The following PAF1 variants were observed in gnomAD, a reference collection of about 807,000 sequenced individuals.
PAF1 encodes the protein RNA polymerase II-associated factor 1 homolog.
A neutral mutation model predicts 68.4 loss-of-function variants in PAF1; 31 were observed. The ratio of observed to expected loss-of-function variants is 0.45; its 90% CI spans 0.34 to 0.61. PAF1 has a LOEUF of 0.61. PAF1 is among the 20% of genes least tolerant of loss of function. The probability of loss-of-function intolerance (pLI) is 0.01; values close to 1 mark genes in which losing one functional copy is unlikely to be tolerated. For missense variants in PAF1, 435 were observed against 692.9 expected (o/e 0.63, Z 4.18); for synonymous variants, 256 against 240.5 (o/e 1.06, Z -0.60).
Position 39,386,273 on chromosome 19 carries a change from C to A in PAF1, c.1314G>T (p.Glu438Asp), listed in dbSNP as rs766462807. Reference protein sequence around the residue: ...ASDKSGSGEDESSEDEARAAR... With the variant: ...ASDKSGSGEDDSSEDEARAAR... ...CAGCCCGGGCCTCATCCTCGCTGCT[C>A]TCGTCCTCACCACTGCCACTCTTGT... The change falls in exon 14 of 14, where the codon GAG becomes GAT. Residue 438 changes from glutamate to aspartate, a missense_variant. This residue lies in a region of PAF1 where 78 missense variants were observed against 80.6 expected (regional missense o/e 0.97). Coordinates refer to ENST00000221265, the MANE Select transcript of PAF1 (RefSeq NM_019088.4). This position sits in a 1 kb window ranked among gnomAD's most constrained non-coding sequence, Gnocchi z 6.1. The A allele has an allele frequency of 1.9e-6, 3 of 1,614,080 alleles. No homozygotes were observed. Among genetic ancestry groups the A allele is most frequent in the Non-Finnish European group, 2.5e-6 (3 of 1,180,050 alleles).
rs747366818 is a variant in PAF1 at position 39,390,169 on chromosome 19, C to G, written c.78-8G>C. ...CGGCAGACCACTCCAGACCTAGGAA[C>G]ATTAGTGGCTCAAAAGTGGGCCCCC... On this transcript the variant is annotated splice_region_variant and splice_polypyrimidine_tract_variant and intron_variant, in intron 2 of 13. Coordinates refer to ENST00000221265, the MANE Select transcript of PAF1 (RefSeq NM_019088.4). 2 of 1,613,446 alleles carry G rather than the reference C, an allele frequency of 1.2e-6. No individual in the cohort carries two copies. The highest frequency in any genetic ancestry group is 1.3e-5 in the African/African-American group (1 of 74,896).
Position 39,388,795 on chromosome 19 carries a change from G to T in PAF1, c.707C>A (p.Ala236Asp), listed in dbSNP as rs1191178420. 1 of 1,614,020 alleles carries T rather than the reference G, an allele frequency of 6.2e-7. No individual in the cohort carries two copies. Among genetic ancestry groups the T allele is most frequent in the Non-Finnish European group, 8.5e-7 (1 of 1,179,986 alleles). Residue 236 changes from alanine to aspartate, a missense_variant, in exon 9 of 14, where the codon GCT becomes GAT. By Grantham distance (126) the Ala-to-Asp change is moderately radical. This residue lies in a region of PAF1 where 151 missense variants were observed against 306.3 expected (regional missense o/e 0.49). Coordinates refer to ENST00000221265, the MANE Select transcript of PAF1 (RefSeq NM_019088.4). Reference sequence around the variant, plus strand: ...GGCCTGAGACATCATCTCCAACGCAGCTGCACCACTCGTGTCCTTGGGGGC... The same window carrying T: ...GGCCTGAGACATCATCTCCAACGCATCTGCACCACTCGTGTCCTTGGGGGC... ...DPAPKDTSGA[A>D]ALEMMSQAMI...
intron 1 of PAF1, 111 bp from the exon 2 acceptor site, chr19:39,390,400 C>G (rs2078354105): frequency 4.9e-6 from 5 of 1,023,716 alleles, no homozygotes; most frequent in Middle Eastern, 3.0e-4. Flanking sequence ...ATGCTGGTTT[C>G]TTTGGGTGGT....
rs765947355 is a variant in PAF1 at position 39,386,721 on chromosome 19, G to C, written c.1065C>G (p.Asp355Glu). 25 of 1,613,838 alleles carry C rather than the reference G, an allele frequency of 1.5e-5. No individual in the cohort carries two copies. Among genetic ancestry groups the C allele is most frequent in the Non-Finnish European group, 2.0e-5 (24 of 1,179,756 alleles). The change falls in exon 12 of 14, where the codon GAC becomes GAG. Residue 355 changes from aspartate to glutamate, a missense_variant. Transcript: ENST00000221265. This position sits in a 1 kb window ranked among gnomAD's most constrained non-coding sequence, Gnocchi z 6.1. ...GAGCTTCCAGTTCCTTCTCATTCATGTCCCGATGTTTGACCACAAGCAGGG... is the reference window on the plus strand; with the variant it reads ...GAGCTTCCAGTTCCTTCTCATTCATCTCCCGATGTTTGACCACAAGCAGGG... ...TNALLVVKHR[D>E]MNEKELEAQE...
In PAF1 at chr19:39,389,939, T is replaced by C. The variant is rs1054762713; in HGVS notation, c.170+130A>G. On this transcript the variant is annotated intron_variant, in intron 3 of 13. Coordinates refer to ENST00000221265, the MANE Select transcript of PAF1 (RefSeq NM_019088.4). The surrounding 1 kb of genome is among the most constrained non-coding windows in gnomAD (Gnocchi z 5.3). ...TGGACACTGCTTGCTCCATTAACAATTGAGCAGCTACTACTATGTGCTAGG... is the reference window on the plus strand; with the variant it reads ...TGGACACTGCTTGCTCCATTAACAACTGAGCAGCTACTACTATGTGCTAGG... 12 of 1,068,498 alleles carry C rather than the reference T, an allele frequency of 1.1e-5. No individual in the cohort carries two copies. In the African/African-American group the frequency reaches 1.4e-4, roughly 12 times the overall value. 66.2% of individuals were successfully genotyped at this position (1,068,498 alleles called of 1,614,324 possible). A position where few individuals can be genotyped will look rare whatever the true frequency, so the allele number is the denominator to read the frequency against.
intron 11 of PAF1, chr19:39,387,327 A>T: frequency 4.3e-6 from 1 of 231,168 alleles, no homozygotes; most frequent in East Asian, 1.1e-4. Context: ...CACCATAAGC[A>T]GTCCATTGTT....
chr19:39,390,841 C>T lies in PAF1; in HGVS notation c.24G>A (p.Gln8=), dbSNP rs374227407. 1 of 1,588,110 alleles carries T rather than the reference C, an allele frequency of 6.3e-7. No homozygotes were observed. Among genetic ancestry groups the T allele is most frequent in the Non-Finnish European group, 8.6e-7 (1 of 1,167,116 alleles). The change falls in exon 1 of 14, where the codon CAG becomes CAA. Residue 8 remains glutamine (Q), a synonymous_variant. Transcript: ENST00000221265. MAPTIQT[Q]AQREDGHRPN... ...ACCTGTGGCCATCCTCCCGCTGGGC[C>T]TGGGTCTGGATGGTGGGCGCCATAG...
At position 39,386,328 on chromosome 19, in the gene PAF1, C is replaced by A; in HGVS notation, c.1259G>T (p.Arg420Leu). ...GGCCTCGTCCCTGTCACCTTCCTCC[C>A]GTTCACTCTCGCTGCCCGAGTGCTC... Reference protein sequence around the residue: ...EDEHSGSESEREEGDRDEASD... With the variant: ...EDEHSGSESELEEGDRDEASD... Residue 420 changes from arginine (R) to leucine (L), a missense_variant, in exon 14 of 14, where the codon CGG becomes CTG. Arg to Leu is a moderately radical substitution (Grantham distance 102). Around this residue, in one of 7 missense-constraint regions of PAF1, gnomAD observed 78 missense variants for 80.6 expected, o/e 0.97. Coordinates refer to ENST00000221265, the MANE Select transcript of PAF1 (RefSeq NM_019088.4). This position sits in a 1 kb window ranked among gnomAD's most constrained non-coding sequence, Gnocchi z 6.1. 6.2e-7 allele frequency: 1 copy of A among 1,614,204 alleles called. No individual in the cohort carries two copies. The highest frequency in any genetic ancestry group is 8.5e-7 in the Non-Finnish European group (1 of 1,180,042).
chr19:39,388,360 T>C lies in PAF1; in HGVS notation c.965A>G (p.Tyr322Cys), dbSNP rs780961931. ...GTACCTGGTTTCCAACTCATTGTAG[T>C]AAACCCCGTCACCCTCTCGGAAGAT... ...FFIFREGDGV[Y>C]YNELETRVRL... The change falls in exon 11 of 14, where the codon TAC becomes TGC. Residue 322 changes from tyrosine (Y) to cysteine (C), a missense_variant. Around this residue, in one of 7 missense-constraint regions of PAF1, gnomAD observed 151 missense variants for 306.3 expected, o/e 0.49. Coordinates refer to ENST00000221265, the MANE Select transcript of PAF1 (RefSeq NM_019088.4). 1 of 1,614,020 alleles carries C rather than the reference T, an allele frequency of 6.2e-7. No homozygotes were observed. The highest frequency in any genetic ancestry group is 1.1e-5 in the South Asian group (1 of 91,076).
Position 39,389,992 on chromosome 19 carries a change from A to C in PAF1, c.170+77T>G. On this transcript the variant is annotated intron_variant, in intron 3 of 13. Transcript: ENST00000221265. This position sits in a 1 kb window ranked among gnomAD's most constrained non-coding sequence, Gnocchi z 5.3. ...AGGTACTGTGCTAGGCCCTGAGCAGACAGCAGCCAACGAGACAAGCAGTCC... is the reference window on the plus strand; with the variant it reads ...AGGTACTGTGCTAGGCCCTGAGCAGCCAGCAGCCAACGAGACAAGCAGTCC... The C allele has an allele frequency of 8.1e-7, 1 of 1,233,258 alleles. No individual in the cohort carries two copies. The highest frequency in any genetic ancestry group is 1.2e-5 in the South Asian group (1 of 81,224). 76.4% of individuals were successfully genotyped at this position (1,233,258 alleles called of 1,614,324 possible).
In PAF1 at chr19:39,389,871, C is replaced by T; in HGVS notation, c.171-110G>A. 1 of 1,464,182 alleles carries T rather than the reference C, an allele frequency of 6.8e-7. No individual in the cohort carries two copies. The highest frequency in any genetic ancestry group is 9.5e-7 in the Non-Finnish European group (1 of 1,050,248). 90.7% of individuals were successfully genotyped at this position (1,464,182 alleles called of 1,614,324 possible). On this transcript the variant is annotated intron_variant, in intron 3 of 13. Coordinates refer to ENST00000221265, the MANE Select transcript of PAF1 (RefSeq NM_019088.4). The surrounding 1 kb of genome is among the most constrained non-coding windows in gnomAD (Gnocchi z 5.3). Reference sequence around the variant, plus strand: ...GGAGGAACTCAGAATGAAGTGTCCCCCATGGCAGAGTCTGAAAGCTGGCTC... The same window carrying T: ...GGAGGAACTCAGAATGAAGTGTCCCTCATGGCAGAGTCTGAAAGCTGGCTC...
Position 39,386,506 on chromosome 19 carries a change from C to T in PAF1, c.1159G>A (p.Glu387Lys). 1 of 1,614,168 alleles carries T rather than the reference C, an allele frequency of 6.2e-7. No individual in the cohort carries two copies. Among genetic ancestry groups the T allele is most frequent in the Non-Finnish European group, 8.5e-7 (1 of 1,180,022 alleles). ...EEEEEEEMET[E>K]EKEAGGSDEE... ...CCTGAGCCCCCAGCTTCTTTCTCTT[C>T]TGTCTCCATCTCCTCTTCCTCTTCC... Residue 387 changes from glutamate (E) to lysine (K), a missense_variant, in exon 13 of 14, where the codon GAA becomes AAA. By Grantham distance (56) the Glu-to-Lys change is moderately conservative. This residue lies in a region of PAF1 where 78 missense variants were observed against 80.6 expected (regional missense o/e 0.97). Coordinates refer to ENST00000221265, the MANE Select transcript of PAF1 (RefSeq NM_019088.4). This position sits in a 1 kb window ranked among gnomAD's most constrained non-coding sequence, Gnocchi z 6.1.
In PAF1 at chr19:39,389,999, C is replaced by T. The variant is rs544914739; in HGVS notation, c.170+70G>A. On this transcript the variant is annotated intron_variant, in intron 3 of 13. Coordinates refer to ENST00000221265, the MANE Select transcript of PAF1 (RefSeq NM_019088.4). This position sits in a 1 kb window ranked among gnomAD's most constrained non-coding sequence, Gnocchi z 5.3. ...GTGCTAGGCCCTGAGCAGACAGCAG[C>T]CAACGAGACAAGCAGTCCCTGCCTT... The T allele has an allele frequency of 5.7e-5, 74 of 1,294,162 alleles. No homozygotes were observed. In the African/African-American group the frequency reaches 1.0e-3, roughly 18 times the overall value. 80.2% of individuals were successfully genotyped at this position (1,294,162 alleles called of 1,614,324 possible). A position where few individuals can be genotyped will look rare whatever the true frequency, so the allele number is the denominator to read the frequency against.
chr19:39,386,386 C>T lies in PAF1; in HGVS notation c.1201G>A (p.Gly401Ser), dbSNP rs751189341. 3.1e-6 allele frequency: 5 copies of T among 1,614,160 alleles called. No individual in the cohort carries two copies. Among genetic ancestry groups the T allele is most frequent in the Non-Finnish European group, 4.2e-6 (5 of 1,180,012 alleles). ...AGGSDEEQEK[G>S]SSSEKEGSED... ...CTGCCCTCCTTCTCACTGCTGCTGCCCTTCTCCTGCTCCTCATCTGGAAGG... is the reference window on the plus strand; with the variant it reads ...CTGCCCTCCTTCTCACTGCTGCTGCTCTTCTCCTGCTCCTCATCTGGAAGG... Residue 401 changes from glycine (G) to serine (S), a missense_variant, in exon 14 of 14, where the codon GGC becomes AGC. Coordinates refer to ENST00000221265, the MANE Select transcript of PAF1 (RefSeq NM_019088.4). This position sits in a 1 kb window ranked among gnomAD's most constrained non-coding sequence, Gnocchi z 6.1.
At position 39,388,456 on chromosome 19, in the gene PAF1, T is replaced by C. The variant is rs368290508; in HGVS notation, c.869A>G (p.Lys290Arg). 52 of 1,614,068 alleles carry C rather than the reference T, an allele frequency of 3.2e-5. 1 individual carries two copies. Among genetic ancestry groups the C allele is most frequent in the East Asian group, 1.1e-4 (5 of 44,890 alleles). The change falls in exon 11 of 14, where the codon AAA becomes AGA. Residue 290 changes from lysine (K) to arginine (R), a missense_variant. Lys to Arg is a conservative substitution (Grantham distance 26, BLOSUM62 2). Transcript: ENST00000221265. ...DYAPDDVYDY[K>R]IAREYNWNVK... ...GTTCCAGTTGTACTCCCGAGCAATT[T>C]TGTAGTCATACCTGAAGATGAGGGC... is the stretch of plus-strand genomic sequence containing the variant.
In PAF1 at chr19:39,389,157, A is replaced by G; in HGVS notation, c.503T>C (p.Ile168Thr). 1 of 1,614,050 alleles carries G rather than the reference A, an allele frequency of 6.2e-7. No individual in the cohort carries two copies. Among genetic ancestry groups the G allele is most frequent in the Non-Finnish European group, 8.5e-7 (1 of 1,180,016 alleles). The change falls in exon 7 of 14, where the codon ATA becomes ACA. Residue 168 changes from isoleucine to threonine, a missense_variant. Physicochemically the swap from Ile to Thr is moderately conservative, Grantham distance 89. Around this residue, in one of 7 missense-constraint regions of PAF1, gnomAD observed 151 missense variants for 306.3 expected, o/e 0.49. Transcript: ENST00000221265. The surrounding 1 kb of genome is among the most constrained non-coding windows in gnomAD (Gnocchi z 5.3). ...GATCTGGCTATCCCTGTCTTTGTAT[A>G]TTTCTTCCTCGGTAAACTGCTGCTT... ...SVKQQFTEEE[I>T]YKDRDSQITA...
At position 39,389,802 on chromosome 19, in the gene PAF1, T is replaced by C; in HGVS notation, c.171-41A>G. ...CCTATTGTGGTGTTTGGATTCCAGC[T>C]TCACCCCTCACAGCCCTGCTTCCCA... On this transcript the variant is annotated intron_variant, in intron 3 of 13. Coordinates refer to ENST00000221265, the MANE Select transcript of PAF1 (RefSeq NM_019088.4). This position sits in a 1 kb window ranked among gnomAD's most constrained non-coding sequence, Gnocchi z 5.3. 1 of 1,613,082 alleles carries C rather than the reference T, an allele frequency of 6.2e-7. No homozygotes were observed. The highest frequency in any genetic ancestry group is 1.1e-5 in the South Asian group (1 of 90,818).
At position 39,388,965 on chromosome 19, in the gene PAF1, A is replaced by G. The variant is rs752371697; in HGVS notation, c.618T>C (p.Pro206=). 1 of 1,614,008 alleles carries G rather than the reference A, an allele frequency of 6.2e-7. No homozygotes were observed. The highest frequency in any genetic ancestry group is 1.3e-5 in the African/African-American group (1 of 74,912). Residue 206 remains proline, a synonymous_variant, in exon 8 of 14, where the codon CCT becomes CCC. Coordinates refer to ENST00000221265, the MANE Select transcript of PAF1 (RefSeq NM_019088.4). ...GCCTGACCTTAAAGTCTGGGAAGAC[A>G]GGCATGACCTCCACCGGTGTGACTC... ...KPRVTPVEVM[P]VFPDFKMWIN...
At position 39,389,431 on chromosome 19, in the gene PAF1, G is replaced by A; in HGVS notation, c.360-48C>T. 3 of 1,611,998 alleles carry A rather than the reference G, an allele frequency of 1.9e-6. No individual in the cohort carries two copies. Among genetic ancestry groups the A allele is most frequent in the Non-Finnish European group, 2.5e-6 (3 of 1,178,116 alleles). The stretch of plus-strand genomic sequence containing the variant: ...TCAGGACCCCACTGCCCTCCTGCTT[G>A]TAGGGCCCACCTGAGCCAGTCTCCA... On this transcript the variant is annotated intron_variant, in intron 5 of 13. Coordinates refer to ENST00000221265, the MANE Select transcript of PAF1 (RefSeq NM_019088.4). This position sits in a 1 kb window ranked among gnomAD's most constrained non-coding sequence, Gnocchi z 5.3.
Sources: gnomAD v4.1 joint callset for allele counts on GRCh38, gnomAD v4.1.1 for gene constraint, gnomAD v4.1.1 regional missense constraint, Gnocchi (gnomAD v3.1) non-coding constraint, MANE v1.5 for transcripts, NCBI Gene and HGNC (gene_info 2026-07-23, HGNC 2026-07-21) for gene names.